Variants in ATRNL1 observed in about 807,000 individuals in gnomAD.
ATRNL1 encodes attractin-like protein 1.
Under a neutral mutation model 182.7 loss-of-function variants are expected in ATRNL1, and 95 were observed. The ratio of observed to expected loss-of-function variants is 0.52; its 90% CI spans 0.44 to 0.62. The LOEUF (loss-of-function observed/expected upper bound fraction) is 0.62, where lower values mean the gene tolerates loss of function less well. Among genes scored for constraint, ATRNL1 ranks in the 20% least tolerant of loss-of-function variants. The pLI is 0.00. For synonymous variants in ATRNL1, 576 were observed against 568.3 expected (o/e 1.01, Z -0.19); for missense variants, 1,471 against 1,679.5 (o/e 0.88, Z 2.17).
At chr10:115,277,207 G>T (rs1420758787) in intron 13 of ATRNL1, among the ~76,000 whole-genome samples, 1 of 151,954 alleles carries the variant, frequency 6.6e-6, no homozygotes, top group Non-Finnish European at 1.5e-5. Flanking sequence ...TAATGAAAAT[G>T]AAGTGGTTGA....
At chr10:115,454,635 A>G (rs1554968335) in intron 21 of ATRNL1, among the ~76,000 whole-genome samples, 1 of 152,002 alleles carries the variant, frequency 6.6e-6, no homozygotes, top group African/African-American at 2.4e-5. Context: ...GTTTATTTAT[A>G]AGTATTTTAT....
At chr10:115,582,483 C>A (rs2133889989) in intron 26 of ATRNL1, among the ~76,000 whole-genome samples, 1 of 132,226 alleles carries the variant, frequency 7.6e-6, no homozygotes, top group East Asian at 2.7e-4. Flanking sequence ...ATTTGCATTT[C>A]TCTGATGGCC....
intron 26 of ATRNL1, among the ~76,000 whole-genome samples, chr10:115,642,965 C>T (rs111598898): frequency 5.1e-4 from 77 of 152,214 alleles, no homozygotes; most frequent in African/African-American, 1.8e-3. Context: ...CTCATAACTT[C>T]GAGGTTTCTA....
At chr10:115,749,261 ATTTC>A (rs1372692435) in intron 27 of ATRNL1, among the ~76,000 whole-genome samples, 4 of 151,784 alleles carry the variant, frequency 2.6e-5, no homozygotes, top group African/African-American at 9.7e-5. Context: ...ATTTTGTTTT[ATTTC>A]TTTATCATTA....
chr10:115,272,674 G>C (rs557237588), intron 13 of ATRNL1, among the ~76,000 whole-genome samples: 5 of 152,158 alleles, frequency 3.3e-5, no homozygotes, highest in Non-Finnish European at 7.3e-5. Flanking sequence ...TATATTGGAT[G>C]CTGACTCAGA....
chr10:115,604,119 G>T (rs921357194), intron 26 of ATRNL1, among the ~76,000 whole-genome samples: 5 of 151,544 alleles, frequency 3.3e-5, no homozygotes, highest in Non-Finnish European at 7.4e-5. Flanking sequence ...CCTGCTTCTT[G>T]GCCTAATAAA....
At chr10:115,535,302 C>T (rs1340657068) in intron 25 of ATRNL1, among the ~76,000 whole-genome samples, 3 of 152,064 alleles carry the variant, frequency 2.0e-5, no homozygotes, top group Non-Finnish European at 2.9e-5. Context: ...AGGCTTTGTT[C>T]GTTTCTTTTT....
At chr10:115,410,447 G>A (rs797034618) in intron 20 of ATRNL1, among the ~76,000 whole-genome samples, 1 of 151,586 alleles carries the variant, frequency 6.6e-6, no homozygotes, top group South Asian at 2.1e-4. Flanking sequence ...TCAGCCTCCC[G>A]AGTAGCTGGG....
At chr10:115,565,900 G>A (rs1020119925) in intron 26 of ATRNL1, among the ~76,000 whole-genome samples, 12 of 152,174 alleles carry the variant, frequency 7.9e-5, no homozygotes, top group Admixed American at 1.3e-4. Context: ...GTACAGGTTA[G>A]CAAGATTCTA....
chr10:115,922,949 C>G (rs1188079811), intron 28 of ATRNL1, among the ~76,000 whole-genome samples: 2 of 152,150 alleles, frequency 1.3e-5, no homozygotes, highest in Non-Finnish European at 2.9e-5. Flanking sequence ...GGCTTATTCT[C>G]TTCCTATTCC....
intron 19 of ATRNL1, among the ~76,000 whole-genome samples, chr10:115,363,765 G>T (rs61882269): frequency 0.54 from 80,145 of 147,732 alleles, 25,008 homozygotes; most frequent in Non-Finnish European, 0.72. Flanking sequence ...GAACCATTTA[G>T]TAAATAGGGA....
intron 13 of ATRNL1, among the ~76,000 whole-genome samples, chr10:115,274,201 C>T (rs1434515261): frequency 6.6e-6 from 1 of 152,144 alleles, no homozygotes; most frequent in Non-Finnish European, 1.5e-5. Context: ...ATCATGTAGC[C>T]CAACTGGCAG....
chr10:115,222,883 T>A (rs1374088607), intron 9 of ATRNL1, among the ~76,000 whole-genome samples: 1 of 152,192 alleles, frequency 6.6e-6, no homozygotes, highest in Non-Finnish European at 1.5e-5. Context: ...TAAATGACTA[T>A]CATATAAAGC....
chr10:115,187,802 C>T (rs553443531), intron 8 of ATRNL1, among the ~76,000 whole-genome samples: 135 of 151,196 alleles, frequency 8.9e-4, no homozygotes, highest in Middle Eastern at 3.4e-3. Context: ...CTGCCTCAGC[C>T]TCCTGAGTAG....
intron 21 of ATRNL1, among the ~76,000 whole-genome samples, chr10:115,428,498 A>T (rs1275336888): frequency 1.3e-5 from 2 of 152,068 alleles, no homozygotes; most frequent in Admixed American, 6.6e-5. Flanking sequence ...TCAGTCTTTT[A>T]TCATTAAATA....
intron 26 of ATRNL1, among the ~76,000 whole-genome samples, chr10:115,722,171 TAGAC>T (rs59310454): frequency 0.033 from 4,994 of 151,972 alleles, 254 homozygotes; most frequent in African/African-American, 0.11. Context: ...TTGTCAGTGT[TAGAC>T]AGGTAGAATT....
At chr10:115,234,236 T>C (rs979135765) in intron 9 of ATRNL1, among the ~76,000 whole-genome samples, 1 of 152,232 alleles carries the variant, frequency 6.6e-6, no homozygotes, top group Non-Finnish European at 1.5e-5. Flanking sequence ...TCCATGAAAC[T>C]GATATCTTCA....
chr10:115,646,622 C>CT (rs1232341811), intron 26 of ATRNL1, among the ~76,000 whole-genome samples: 2 of 139,214 alleles, frequency 1.4e-5, no homozygotes, highest in South Asian at 4.9e-4. Context: ...TTTTTCTTTT[C>CT]TTTTTTTCTT....
chr10:115,211,084 G>T (rs1849003882), intron 8 of ATRNL1, among the ~76,000 whole-genome samples: 1 of 147,596 alleles, frequency 6.8e-6, no homozygotes. Flanking sequence ...AAGTTTTAGG[G>T]TACATGTGCA....
Sources: gnomAD v4.1 joint callset for allele counts (sites outside exome capture counted in the v4.1 genomes callset) on GRCh38, gnomAD v4.1.1 for gene constraint, MANE v1.5 for transcripts, NCBI Gene and HGNC (gene_info 2026-07-23, HGNC 2026-07-21) for gene names.